Variants in CLCN1 observed in about 807,000 individuals in gnomAD.
CLCN1 encodes chloride channel protein 1.
CLCN1 carries 100 observed loss-of-function variants against 114.5 expected under a neutral mutation model. The ratio of observed to expected loss-of-function variants is 0.87; its 90% CI spans 0.74 to 1.03. CLCN1 has a LOEUF of 1.03. Among genes scored for constraint, CLCN1 ranks in the 50% least tolerant of loss-of-function variants. The probability of loss-of-function intolerance (pLI) is 0.00; values close to 1 mark genes in which losing one functional copy is unlikely to be tolerated. For missense variants in CLCN1, 1,188 were observed against 1,250.0 expected (o/e 0.95, Z 0.75); for synonymous variants, 485 against 487.1 (o/e 1.00, Z 0.06).
intron 12 of CLCN1, among the ~76,000 whole-genome samples, chr7:143,334,749 G>C (rs1234068803): frequency 1.3e-5 from 2 of 152,132 alleles, no homozygotes; most frequent in Admixed American, 6.5e-5. Context: ...TTCCACTTTA[G>C]GTGGTTTAGT....
In CLCN1 at chr7:143,351,966, C is replaced by G. The variant is rs1330347785; in HGVS notation, c.*1C>G. On this transcript the variant is annotated 3_prime_UTR_variant, in exon 23 of 23. Coordinates refer to ENST00000343257, the MANE Select transcript of CLCN1 (RefSeq NM_000083.3). Reference sequence around the variant, plus strand: ...GGATGAGGATGAACTGATCCTTTGACCCCCTCCCACGACCTCCTCATAAAG... The same window carrying G: ...GGATGAGGATGAACTGATCCTTTGAGCCCCTCCCACGACCTCCTCATAAAG... 1.2e-6 allele frequency: 2 copies of G among 1,612,446 alleles called. No individual in the cohort carries two copies. Among genetic ancestry groups the G allele is most frequent in the East Asian group, 2.2e-5 (1 of 44,878 alleles).
At chr7:143,322,622 A>C (rs1802471618) in intron 5 of CLCN1, among the ~76,000 whole-genome samples, 1 of 152,218 alleles carries the variant, frequency 6.6e-6, no homozygotes. Context: ...TCCCAGGTTC[A>C]AGCGATTCTC....
intron 16 of CLCN1, among the ~76,000 whole-genome samples, chr7:143,344,966 G>A (rs931255746): frequency 6.6e-6 from 1 of 152,004 alleles, no homozygotes; most frequent in African/African-American, 2.4e-5. Flanking sequence ...GGCCAAGGCT[G>A]GTCTCGAACT....
At chr7:143,349,289 G>C (rs982922766) in intron 20 of CLCN1, among the ~76,000 whole-genome samples, 6 of 152,196 alleles carry the variant, frequency 3.9e-5, no homozygotes, top group African/African-American at 1.4e-4. Context: ...CGGAAGATGA[G>C]AGTATAGAGG....
chr7:143,334,947 AGTT>A (rs1802832863), intron 12 of CLCN1, among the ~76,000 whole-genome samples: 1 of 152,256 alleles, frequency 6.6e-6, no homozygotes, highest in Admixed American at 6.5e-5. Context: ...TCCTATAATT[AGTT>A]GTTGAGTACA....
chr7:143,327,958 G>A (rs753711611), intron 7 of CLCN1, among the ~76,000 whole-genome samples: 7 of 152,150 alleles, frequency 4.6e-5, no homozygotes, highest in East Asian at 1.9e-4. Context: ...CTAGCATCCC[G>A]GTGATTAATT....
chr7:143,328,644 T>C (rs1019838970), intron 7 of CLCN1, among the ~76,000 whole-genome samples: 6 of 152,172 alleles, frequency 3.9e-5, no homozygotes, highest in African/African-American at 1.2e-4. Context: ...AGCTGACTGC[T>C]TTTGTTACTG....
intron 2 of CLCN1, 39 bp from the exon 3 acceptor site, chr7:143,320,618 TTTGTTTG>T: frequency 6.4e-7 from 1 of 1,555,612 alleles, no homozygotes; most frequent in Non-Finnish European, 8.8e-7. Context: ...TGTTTGTTTG[TTTGTTTG>T]TTGTTTGTTT....
intron 7 of CLCN1, among the ~76,000 whole-genome samples, chr7:143,328,407 C>T (rs1337794080): frequency 1.3e-5 from 2 of 152,116 alleles, no homozygotes; most frequent in East Asian, 1.9e-4. Context: ...GAGCAGAGAG[C>T]TTCCGAAAGC....
intron 7 of CLCN1, among the ~76,000 whole-genome samples, chr7:143,329,548 G>A (rs551064283): frequency 3.3e-5 from 5 of 152,298 alleles, no homozygotes; most frequent in Middle Eastern, 3.4e-3. Flanking sequence ...ACTGTCACCT[G>A]TAGAAGAGAA....
intron 7 of CLCN1, among the ~76,000 whole-genome samples, chr7:143,327,455 CA>C (rs1216166217): frequency 1.3e-5 from 2 of 151,970 alleles, no homozygotes; most frequent in African/African-American, 4.8e-5. Context: ...GTGATATGGC[CA>C]GCTTTGAGTG....
rs1473430259 is a variant in CLCN1, at chr7:143,351,639, C to T, written c.2641C>T (p.Arg881Cys). The T allele has an allele frequency of 3.1e-6, 5 of 1,614,176 alleles. No homozygotes were observed. The highest frequency in any genetic ancestry group is 4.2e-6 in the Non-Finnish European group (5 of 1,180,034). ...EGHTKSGVQL[R>C]PPLASFRNTT... ...GCACACCAAGTCTGGGGTGCAGCTC[C>T]GCCCTCCCCTTGCCAGCTTCCGGAA... Residue 881 changes from arginine (R) to cysteine (C), a missense_variant, in exon 23 of 23, where the codon CGC becomes TGC. Arg to Cys is a radical substitution (Grantham distance 180). Transcript: ENST00000343257.
Position 143,350,388 on chromosome 7 carries a change from A to C in CLCN1, c.2420A>C (p.Gln807Pro). 1.2e-6 allele frequency: 2 copies of C among 1,614,014 alleles called. No individual in the cohort carries two copies. Among genetic ancestry groups the C allele is most frequent in the Non-Finnish European group, 1.7e-6 (2 of 1,179,926 alleles). ...MSPEEIEAWE[Q>P]EQLSQPVCFD... Reference sequence around the variant, plus strand: ...GGCTGACAGATTGAGGCCTGGGAGCAGGAGCAGCTGAGCCAGCCTGTCTGT... The same window carrying C: ...GGCTGACAGATTGAGGCCTGGGAGCCGGAGCAGCTGAGCCAGCCTGTCTGT... The change falls in exon 21 of 23, where the codon CAG becomes CCG. Residue 807 changes from glutamine to proline, a missense_variant. By Grantham distance (76) the Gln-to-Pro change is moderately conservative (BLOSUM62 -1). Coordinates refer to ENST00000343257, the MANE Select transcript of CLCN1 (RefSeq NM_000083.3). The surrounding 1 kb of genome is among the most constrained non-coding windows in gnomAD (Gnocchi z 5.1).
intron 12 of CLCN1, among the ~76,000 whole-genome samples, chr7:143,335,555 T>C (rs1802853054): frequency 1.3e-5 from 2 of 152,112 alleles, no homozygotes; most frequent in African/African-American, 4.8e-5. Flanking sequence ...AACTAAAATA[T>C]AAACATGACT....
intron 1 of CLCN1, among the ~76,000 whole-genome samples, 169 bp downstream of exon 1, chr7:143,316,561 G>A (rs188143848): frequency 5.1e-4 from 77 of 152,330 alleles, no homozygotes; most frequent in Non-Finnish European, 1.0e-3. Context: ...TTGAAAGTCT[G>A]GGCTCACTTA....
At position 143,321,499 on chromosome 7, in the gene CLCN1, A is replaced by G; in HGVS notation, c.562+6A>G. On this transcript the variant is annotated splice_donor_region_variant and intron_variant, in intron 4 of 22. Transcript: ENST00000343257. The surrounding 1 kb of genome is among the most constrained non-coding windows in gnomAD (Gnocchi z 4.2). ...CATCTCTCCCCAGGCTGTTGGTGAGAACTTGCCACCAGACTCGGCCTGAGC... is the reference window on the plus strand; with the variant it reads ...CATCTCTCCCCAGGCTGTTGGTGAGGACTTGCCACCAGACTCGGCCTGAGC... 1.2e-6 allele frequency: 2 copies of G among 1,613,826 alleles called. No homozygotes were observed. The highest frequency in any genetic ancestry group is 1.7e-6 in the Non-Finnish European group (2 of 1,179,976).
rs202019723 is a variant in CLCN1 at position 143,332,474 on chromosome 7, C to G, written c.1222C>G (p.Pro408Ala). 346 of 1,613,920 alleles carry G rather than the reference C, an allele frequency of 2.1e-4. No homozygotes were observed. The highest frequency in any genetic ancestry group is 2.9e-4 in the Non-Finnish European group (339 of 1,179,942). The change falls in exon 11 of 23, where the codon CCA (proline) becomes GCA (alanine). Residue 408 changes from proline to alanine, a missense_variant. Pro to Ala is a conservative substitution (Grantham distance 27). Transcript: ENST00000343257. ...TFVIASFTFP[P>A]GMGQFMAGEL... ...TGTCATTGCCTCATTCACCTTCCCA[C>G]CAGGAATGGGTCAATTCATGGCTGG...
chr7:143,348,052 A>G (rs1283160595), intron 20 of CLCN1, among the ~76,000 whole-genome samples: 3 of 152,368 alleles, frequency 2.0e-5, no homozygotes, highest in Admixed American at 6.5e-5. Context: ...AGCTGACAAA[A>G]AAAACACGGC....
At chr7:143,319,398 G>A (rs10216140) in intron 1 of CLCN1, among the ~76,000 whole-genome samples, 49,624 of 152,072 alleles carry the variant, frequency 0.33, 9,354 homozygotes, top group African/African-American at 0.51. Flanking sequence ...TACAGAAAGC[G>A]CAGTGACACA....
Sources: gnomAD v4.1 joint callset for allele counts (sites outside exome capture counted in the v4.1 genomes callset) on GRCh38, gnomAD v4.1.1 for gene constraint, Gnocchi (gnomAD v3.1) non-coding constraint, MANE v1.5 for transcripts, NCBI Gene and HGNC (gene_info 2026-07-23, HGNC 2026-07-21) for gene names.